RAB3GAP2: variants seen among roughly 807,000 people sequenced by gnomAD.
The protein encoded by RAB3GAP2 is rab3 GTPase-activating protein non-catalytic subunit.
RAB3GAP2 carries 87 observed loss-of-function variants against 185.3 expected under a neutral mutation model. The ratio of observed to expected loss-of-function variants is 0.47; its 90% CI spans 0.39 to 0.56. The LOEUF is 0.56. Among genes scored for constraint, RAB3GAP2 ranks in the 20% least tolerant of loss-of-function variants. RAB3GAP2 has a pLI of 0.00. For missense variants in RAB3GAP2, 1,492 were observed against 1,638.2 expected (o/e 0.91, Z 1.54); for synonymous variants, 554 against 576.1 (o/e 0.96, Z 0.55).
Position 220,171,007 on chromosome 1 carries a change from G to C in RAB3GAP2, c.2691C>G (p.Leu897=). Reference sequence around the variant, plus strand: ...TGCTGTGAAGCAGAGTCTGAAGTATGAGACAATCCTCCAGCTGTTTCAGAA... The same window carrying C: ...TGCTGTGAAGCAGAGTCTGAAGTATCAGACAATCCTCCAGCTGTTTCAGAA... ...KLLLKQLEDC[L]ILQTLLHSKG... The change falls in exon 24 of 35, where the codon CTC becomes CTG. Residue 897 remains leucine (L), a synonymous_variant. Coordinates refer to ENST00000358951, the MANE Select transcript of RAB3GAP2 (RefSeq NM_012414.4). 6.2e-7 allele frequency: 1 copy of C among 1,614,150 alleles called. No homozygotes were observed. Among genetic ancestry groups the C allele is most frequent in the Non-Finnish European group, 8.5e-7 (1 of 1,180,002 alleles).
intron 1 of RAB3GAP2, among the ~76,000 whole-genome samples, chr1:220,237,711 G>A (rs1214241896): frequency 3.9e-5 from 6 of 151,986 alleles, no homozygotes; most frequent in Admixed American, 1.3e-4. Flanking sequence ...CCTAAGTGCT[G>A]GTCTAATTTA....
At chr1:220,201,236 G>C (rs1658851911) in intron 9 of RAB3GAP2, among the ~76,000 whole-genome samples, 1 of 151,868 alleles carries the variant, frequency 6.6e-6, no homozygotes, top group Admixed American at 6.6e-5. Flanking sequence ...TTAAGCGATG[G>C]GGTCTCGCTA....
intron 32 of RAB3GAP2, 24 bp downstream of exon 32, chr1:220,153,940 AAAAC>A (rs1030542656): frequency 2.5e-6 from 4 of 1,610,768 alleles, no homozygotes; most frequent in Non-Finnish European, 3.4e-6. Flanking sequence ...CCAAGAAACA[AAAAC>A]AAAATCCAAT....
intron 9 of RAB3GAP2, 100 bp downstream of exon 9, chr1:220,202,176 A>G: frequency 1.6e-6 from 2 of 1,272,692 alleles, no homozygotes; most frequent in Non-Finnish European, 1.1e-6. Flanking sequence ...AAAAATAATA[A>G]TAATAAATAA....
intron 1 of RAB3GAP2, among the ~76,000 whole-genome samples, chr1:220,237,142 G>A (rs1267200209): frequency 1.3e-5 from 2 of 152,126 alleles, no homozygotes; most frequent in African/African-American, 4.8e-5. Flanking sequence ...AGGTATCATG[G>A]AATTAAGGAC....
In RAB3GAP2 at chr1:220,152,746, G is replaced by A. The variant is rs75881228; in HGVS notation, c.3867+439C>T. Among the ~76,000 whole-genome samples, 54 of 151,980 alleles carry A rather than the reference G, an allele frequency of 3.6e-4. No individual in the cohort carries two copies. The East Asian group carries it at 8.1e-3, about 23-fold the overall frequency. On this transcript the variant is annotated intron_variant, in intron 33 of 34. Coordinates refer to ENST00000358951, the MANE Select transcript of RAB3GAP2 (RefSeq NM_012414.4). Reference sequence around the variant, plus strand: ...AAATATTTTTTTCCTTTTTAGAGACGGGGTCTCGCTATATTGCCCAGATTG... The same window carrying A: ...AAATATTTTTTTCCTTTTTAGAGACAGGGTCTCGCTATATTGCCCAGATTG...
rs1348710585 is a variant in RAB3GAP2, at chr1:220,191,147, G to A, written c.1408C>T (p.Pro470Ser). 1 of 1,613,944 alleles carries A rather than the reference G, an allele frequency of 6.2e-7. No homozygotes were observed. Among genetic ancestry groups the A allele is most frequent in the South Asian group, 1.1e-5 (1 of 91,074 alleles). The change falls in exon 14 of 35, where the codon CCA becomes TCA. Residue 470 changes from proline (P) to serine (S), a missense_variant. Pro to Ser is a moderately conservative substitution (Grantham distance 74). Around this residue, in one of 5 missense-constraint regions of RAB3GAP2, gnomAD observed 681 missense variants for 689.1 expected, o/e 0.99. Coordinates refer to ENST00000358951, the MANE Select transcript of RAB3GAP2 (RefSeq NM_012414.4). ...CACACTTCTAAAATTCCCCTTCTTG[G>A]CGCATAGATCACAAGGAATTGAGCT... is the stretch of plus-strand genomic sequence containing the variant. ...RVAQFLVIYA[P>S]RRGILEVWST...
In RAB3GAP2 at chr1:220,202,342, G is replaced by A. The variant is rs749486860; in HGVS notation, c.745C>T (p.Pro249Ser). The change falls in exon 9 of 35, where the codon CCA (proline) becomes TCA (serine). Residue 249 changes from proline to serine, a missense_variant. Pro to Ser is a moderately conservative substitution (Grantham distance 74). Around this residue, in one of 5 missense-constraint regions of RAB3GAP2, gnomAD observed 243 missense variants for 314.8 expected, o/e 0.77. Coordinates refer to ENST00000358951, the MANE Select transcript of RAB3GAP2 (RefSeq NM_012414.4). The stretch of plus-strand genomic sequence containing the variant: ...CCCCATTTCTTATAAGCTAATGGTG[G>A]TGGTTGTATGTTCTCATTGCCTGAT... ...AASGNENIQPPPLAYKKWGLQ... is the reference protein window; with the variant it reads ...AASGNENIQPSPLAYKKWGLQ... 6.2e-6 allele frequency: 10 copies of A among 1,613,688 alleles called. No individual in the cohort carries two copies. Among genetic ancestry groups the A allele is most frequent in the Admixed American group, 3.3e-5 (2 of 59,992 alleles).
intron 2 of RAB3GAP2, among the ~76,000 whole-genome samples, chr1:220,218,791 G>A (rs1659247637): frequency 6.6e-6 from 1 of 151,866 alleles, no homozygotes; most frequent in Non-Finnish European, 1.5e-5. Flanking sequence ...ATGGTGTTGT[G>A]CTCTTAATAC....
chr1:220,160,721 T>C (rs551792082), intron 28 of RAB3GAP2, among the ~76,000 whole-genome samples: 1 of 152,326 alleles, frequency 6.6e-6, no homozygotes, highest in East Asian at 1.9e-4. Flanking sequence ...CACCTACTTT[T>C]TACTGGTATA....
chr1:220,184,733 G>A (rs1313566478), intron 18 of RAB3GAP2, among the ~76,000 whole-genome samples: 1 of 152,088 alleles, frequency 6.6e-6, no homozygotes, highest in Non-Finnish European at 1.5e-5. Context: ...TACCAGGCCA[G>A]TGGAAGATAA....
intron 1 of RAB3GAP2, among the ~76,000 whole-genome samples, chr1:220,264,778 C>G (rs983994931): frequency 2.0e-5 from 3 of 152,034 alleles, no homozygotes; most frequent in African/African-American, 7.2e-5. Context: ...ATATCACCTC[C>G]TATATGAAGA....
chr1:220,212,815 AT>A, intron 4 of RAB3GAP2, 71 bp downstream of exon 4: 1 of 1,252,936 alleles, frequency 8.0e-7, no homozygotes, highest in East Asian at 2.3e-5. Context: ...TTTTTAATAG[AT>A]TCACCTACAA....
chr1:220,267,633 G>GTGT, intron 1 of RAB3GAP2: 1 of 1,421,932 alleles, frequency 7.0e-7, no homozygotes, highest in Non-Finnish European at 9.9e-7. Context: ...GCTGTTTTGG[G>GTGT]TGTTATTCAG....
rs190731680 is a variant in RAB3GAP2, at chr1:220,253,490, C to T, written c.115+18733G>A. ...TGGCAGTGCCTGACGGCGCGTCTGA[C>T]GCGGAGTTGGGTGGGGTAGAGAGTA... On this transcript the variant is annotated intron_variant, in intron 1 of 34. Coordinates refer to ENST00000358951, the MANE Select transcript of RAB3GAP2 (RefSeq NM_012414.4). 22 of 1,478,736 alleles carry T rather than the reference C, an allele frequency of 1.5e-5. No individual in the cohort carries two copies. The South Asian group carries it at 1.8e-4, about 12-fold the overall frequency. The allele number at this position is 1,478,736 out of a possible 1,614,324, so 91.6% of individuals were successfully genotyped here. A position where few individuals can be genotyped will look rare whatever the true frequency, so the allele number is the denominator to read the frequency against.
chr1:220,184,124 G>A lies in RAB3GAP2; in HGVS notation c.1910C>T (p.Ala637Val). ...SVDEGLLQFCANKLKLLQLYE... is the reference protein window; with the variant it reads ...SVDEGLLQFCVNKLKLLQLYE... Reference sequence around the variant, plus strand: ...GAGTTGCAGCAGTTTTAGTTTATTGGCACAAAACTGTAGCAATCCTTCATC... The same window carrying A: ...GAGTTGCAGCAGTTTTAGTTTATTGACACAAAACTGTAGCAATCCTTCATC... The change falls in exon 19 of 35, where the codon GCC (alanine) becomes GTC (valine). Residue 637 changes from alanine (A) to valine (V), a missense_variant. Coordinates refer to ENST00000358951, the MANE Select transcript of RAB3GAP2 (RefSeq NM_012414.4). The A allele has an allele frequency of 6.2e-7, 1 of 1,610,406 alleles. No individual in the cohort carries two copies. The highest frequency in any genetic ancestry group is 8.5e-7 in the Non-Finnish European group (1 of 1,177,068).
chr1:220,228,371 G>A (rs1206260783), intron 2 of RAB3GAP2, among the ~76,000 whole-genome samples: 1 of 152,166 alleles, frequency 6.6e-6, no homozygotes, highest in Non-Finnish European at 1.5e-5. Flanking sequence ...AGAAATAAGA[G>A]TCTCTTACTT....
chr1:220,162,084 T>A (rs1657972766), intron 28 of RAB3GAP2, 114 bp downstream of exon 28: 1 of 841,884 alleles, frequency 1.2e-6, no homozygotes, highest in Non-Finnish European at 2.0e-6. Flanking sequence ...ATGAGTAAAA[T>A]CTAATTATCA....
At chr1:220,153,432 CA>C (rs1178298948) in intron 32 of RAB3GAP2, 26 bp from the exon 33 acceptor site, 1 of 1,580,900 alleles carries the variant, frequency 6.3e-7, no homozygotes, top group Non-Finnish European at 8.7e-7. Flanking sequence ...AGAGATAGAG[CA>C]ATGCATTGTT....
Sources: gnomAD v4.1 joint callset for allele counts (sites outside exome capture counted in the v4.1 genomes callset) on GRCh38, gnomAD v4.1.1 for gene constraint, gnomAD v4.1.1 regional missense constraint, MANE v1.5 for transcripts, NCBI Gene and HGNC (gene_info 2026-07-23, HGNC 2026-07-21) for gene names.